PKP1: variants seen among roughly 807,000 people sequenced by gnomAD.
PKP1 encodes the protein plakophilin-1.
Under a neutral mutation model 76.4 loss-of-function variants are expected in PKP1, and 27 were observed. That is an observed-to-expected ratio of 0.35 (90% confidence interval 0.26 to 0.49). The LOEUF is 0.49. PKP1 is among the 20% of genes least tolerant of loss of function. The pLI is 0.99. For missense variants in PKP1, 964 were observed against 955.2 expected (o/e 1.01, Z -0.12); for synonymous variants, 404 against 384.2 (o/e 1.05, Z -0.60).
intron 2 of PKP1, among the ~76,000 whole-genome samples, chr1:201,305,538 C>A (rs1462588533): frequency 6.6e-6 from 1 of 152,226 alleles, no homozygotes; most frequent in East Asian, 1.9e-4. Flanking sequence ...AAACTGTAAC[C>A]AGCAGGAGTG....
At chr1:201,321,879 C>G in intron 7 of PKP1, 99 bp from the exon 8 acceptor site, 1 of 1,387,136 alleles carries the variant, frequency 7.2e-7, no homozygotes, top group Non-Finnish European at 1.0e-6. Context: ...CCGATGCAGC[C>G]CAGGTGCCTC....
chr1:201,314,747 T>C (rs2102174990), intron 3 of PKP1, among the ~76,000 whole-genome samples: 1 of 152,332 alleles, frequency 6.6e-6, no homozygotes, highest in Middle Eastern at 3.4e-3. Flanking sequence ...TTGGCAAATG[T>C]TTGCCGACCA....
intron 2 of PKP1, among the ~76,000 whole-genome samples, chr1:201,297,700 G>T (rs1047581676): frequency 6.6e-6 from 1 of 152,044 alleles, no homozygotes; most frequent in Non-Finnish European, 1.5e-5. Context: ...ATATTTGAAC[G>T]TTACAACTAA....
Position 201,330,288 on chromosome 1 carries a change from G to A in PKP1, c.*247G>A, listed in dbSNP as rs1250938194. ...GGTGGGGGCTTTCTTGAGTTAAAGGGGCTTATATGTGATGTCAATATTTCT... is the reference window on the plus strand; with the variant it reads ...GGTGGGGGCTTTCTTGAGTTAAAGGAGCTTATATGTGATGTCAATATTTCT... On this transcript the variant is annotated 3_prime_UTR_variant, in exon 14 of 14. Coordinates refer to ENST00000367324, the MANE Select transcript of PKP1 (RefSeq NM_001005337.3). 2 of 151,850 alleles carry A rather than the reference G, an allele frequency of 1.3e-5. No homozygotes were observed. The highest frequency in any genetic ancestry group is 1.5e-5 in the Non-Finnish European group (1 of 67,974). 9.4% of individuals were successfully genotyped at this position (151,850 alleles called of 1,614,324 possible). A position where few individuals can be genotyped will look rare whatever the true frequency, so the allele number is the denominator to read the frequency against.
At chr1:201,294,335 A>G (rs1656015712) in intron 2 of PKP1, among the ~76,000 whole-genome samples, 1 of 152,236 alleles carries the variant, frequency 6.6e-6, no homozygotes, top group South Asian at 2.1e-4. Context: ...TGATTTGATC[A>G]TGGATTTGGG....
chr1:201,300,623 A>G (rs1183502830), intron 2 of PKP1, among the ~76,000 whole-genome samples: 1 of 152,214 alleles, frequency 6.6e-6, no homozygotes, highest in East Asian at 1.9e-4. Context: ...GCTGGGCCTC[A>G]GGCTTATCAT....
At chr1:201,312,308 A>T (rs78016266) in intron 2 of PKP1, among the ~76,000 whole-genome samples, 1 of 152,176 alleles carries the variant, frequency 6.6e-6, no homozygotes, top group Non-Finnish European at 1.5e-5. Flanking sequence ...GCCAGAATAG[A>T]AGTTTCTGTG....
At chr1:201,307,670 T>C (rs1353905595) in intron 2 of PKP1, among the ~76,000 whole-genome samples, 4 of 152,184 alleles carry the variant, frequency 2.6e-5, no homozygotes, top group Admixed American at 2.0e-4. Context: ...CCCAGCAAGA[T>C]GAACAAGGGT....
intron 3 of PKP1, chr1:201,316,304 A>C: frequency 1.9e-6 from 1 of 525,778 alleles, no homozygotes. Context: ...CATACCTGCT[A>C]GGACATTAAC....
intron 9 of PKP1, 30 bp from the exon 10 acceptor site, chr1:201,324,398 C>G (rs376230597): frequency 6.2e-7 from 1 of 1,613,432 alleles, no homozygotes; most frequent in Non-Finnish European, 8.5e-7. Flanking sequence ...AAGCCACAGG[C>G]TAGCTCATCA....
Position 201,283,515 on chromosome 1 carries a change from G to A in PKP1, c.-188G>A, listed in dbSNP as rs1266450891. ...GAGGGCGGGCCTCGCCAGTGCCAGAGAGGGACGAACCAGGGTGGAAGCGCC... is the reference window on the plus strand; with the variant it reads ...GAGGGCGGGCCTCGCCAGTGCCAGAAAGGGACGAACCAGGGTGGAAGCGCC... On this transcript the variant is annotated 5_prime_UTR_variant, in exon 1 of 14. Transcript: ENST00000367324. The A allele has an allele frequency of 3.1e-6, 2 of 655,186 alleles. No individual in the cohort carries two copies. Among genetic ancestry groups the A allele is most frequent in the African/African-American group, 1.8e-5 (1 of 56,258 alleles). The allele number at this position is 655,186 out of a possible 1,614,324, so 40.6% of individuals were successfully genotyped here. A position where few individuals can be genotyped will look rare whatever the true frequency, so the allele number is the denominator to read the frequency against.
At chr1:201,307,973 G>A (rs1409689671) in intron 2 of PKP1, among the ~76,000 whole-genome samples, 1 of 152,174 alleles carries the variant, frequency 6.6e-6, no homozygotes, top group Non-Finnish European at 1.5e-5. Flanking sequence ...AACCGGTTTG[G>A]CCGGCCCCAC....
Position 201,330,805 on chromosome 1 carries a change from C to T in PKP1, c.*764C>T, listed in dbSNP as rs1204837949. On this transcript the variant is annotated 3_prime_UTR_variant, in exon 14 of 14. Coordinates refer to ENST00000367324, the MANE Select transcript of PKP1 (RefSeq NM_001005337.3). ...GAGGACAGCAGGACACTCTCGCATACTTTGCCAAATGAGGCCTGCTCAGAG... is the reference window on the plus strand; with the variant it reads ...GAGGACAGCAGGACACTCTCGCATATTTTGCCAAATGAGGCCTGCTCAGAG... 1 of 152,302 alleles carries T rather than the reference C, an allele frequency of 6.6e-6. No homozygotes were observed. The highest frequency in any genetic ancestry group is 1.5e-5 in the Non-Finnish European group (1 of 68,098). 9.4% of individuals were successfully genotyped at this position (152,302 alleles called of 1,614,324 possible). A position where few individuals can be genotyped will look rare whatever the true frequency, so the allele number is the denominator to read the frequency against.
At chr1:201,328,221 A>T (rs2102189415) in intron 12 of PKP1, 1 of 206,404 alleles carries the variant, frequency 4.8e-6, no homozygotes, top group Admixed American at 5.3e-5. Context: ...AATAAGACTC[A>T]CTCTCCATCC....
chr1:201,320,965 A>C (rs1656920685), intron 7 of PKP1, among the ~76,000 whole-genome samples: 1 of 152,210 alleles, frequency 6.6e-6, no homozygotes, highest in Admixed American at 6.5e-5. Flanking sequence ...GACACACAGC[A>C]CAGACAAACA....
intron 11 of PKP1, 35 bp downstream of exon 11, chr1:201,325,162 A>G (rs1004968189): frequency 6.3e-7 from 1 of 1,599,234 alleles, no homozygotes; most frequent in Non-Finnish European, 8.6e-7. Context: ...GCTGCACCCC[A>G]ATCAGAGCCC....
intron 2 of PKP1, among the ~76,000 whole-genome samples, chr1:201,312,219 T>C (rs773386354): frequency 5.9e-5 from 9 of 152,220 alleles, no homozygotes; most frequent in African/African-American, 1.2e-4. Context: ...AGGTGACCTG[T>C]TACCCTTTGC....
At chr1:201,324,226 T>A (rs1033498124) in intron 9 of PKP1, among the ~76,000 whole-genome samples, 5 of 152,122 alleles carry the variant, frequency 3.3e-5, no homozygotes, top group African/African-American at 1.2e-4. Flanking sequence ...TGCAGGCTGA[T>A]CCAGGAGACA....
At chr1:201,308,196 C>T (rs1000787109) in intron 2 of PKP1, among the ~76,000 whole-genome samples, 1 of 148,580 alleles carries the variant, frequency 6.7e-6, no homozygotes, top group South Asian at 2.1e-4. Flanking sequence ...ATGCCGTGCA[C>T]CGGCACAGGC....
Sources: allele counts gnomAD v4.1 joint callset (sites outside exome capture counted in the v4.1 genomes callset), GRCh38; gene constraint gnomAD v4.1.1; transcripts MANE v1.5; gene names NCBI Gene and HGNC (gene_info 2026-07-23, HGNC 2026-07-21).